Variants in LNX1 observed in about 807,000 individuals in gnomAD.
LNX1 encodes the protein ligand of numb-protein X 1, also known as E3 ubiquitin-protein ligase LNX.
In LNX1, 54 loss-of-function variants were observed where a neutral mutation model predicts 68.4. That is an observed-to-expected ratio of 0.79 (90% CI 0.63 to 0.99). LNX1 has a LOEUF of 0.99. LNX1 is among the 50% of genes least tolerant of loss of function. The pLI is 0.00. For synonymous variants in LNX1, 336 were observed against 350.0 expected (o/e 0.96, Z 0.45); for missense variants, 906 against 926.4 (o/e 0.98, Z 0.29).
At chr4:53,541,742 TC>T (rs1216058421) in intron 2 of LNX1, among the ~76,000 whole-genome samples, 31 of 62,690 alleles carry the variant, frequency 4.9e-4, no homozygotes, top group African/African-American at 1.4e-3. Flanking sequence ...TCAGTCTGAG[TC>T]ATTAAAAAAA....
Position 53,467,925 on chromosome 4 carries a change from A to T in LNX1, c.1893-6332T>A, listed in dbSNP as rs564518362. Among the ~76,000 whole-genome samples the T allele has an allele frequency of 3.5e-4, 54 of 152,340 alleles. 1 individual carries two copies. In the East Asian group the frequency reaches 9.4e-3, roughly 27 times the overall value. ...AAGTTGGAAAACACTCTGCAAGATA[A>T]TATCCAGGAGAACTTCCCCAATCTA... On this transcript the variant is annotated intron_variant, in intron 9 of 10. Coordinates refer to ENST00000263925, the MANE Select transcript of LNX1 (RefSeq NM_001126328.3).
rs56165716 is a variant in LNX1, at chr4:53,501,299, T to TTGGGGGGGG, written c.776-2457_776-2456insCCCCCCCCA. ...TAATAATCTTTTTTTTTTTTTTTTT[T>TTGGGGGGGG]GGGGGTGGGGGGACAGGATCTCACT... On this transcript the variant is annotated intron_variant, in intron 4 of 10. Transcript: ENST00000263925. Among the ~76,000 whole-genome samples the TTGGGGGGGG allele has an allele frequency of 2.5e-3, 97 of 38,728 alleles. 9 individuals are homozygous for TTGGGGGGGG. Among genetic ancestry groups the TTGGGGGGGG allele is most frequent in the Admixed American group, 4.4e-3 (11 of 2,486 alleles). 25.4% of individuals were successfully genotyped at this position (38,728 alleles called of 152,430 possible).
At chr4:53,525,439 T>C (rs900328659) in intron 2 of LNX1, among the ~76,000 whole-genome samples, 1 of 152,176 alleles carries the variant, frequency 6.6e-6, no homozygotes, top group Non-Finnish European at 1.5e-5. Context: ...AAGATCACAC[T>C]ACTTCACTGC....
At chr4:53,478,415 C>T (rs1723701862) in intron 8 of LNX1, 150 bp downstream of exon 8, 3 of 670,582 alleles carry the variant, frequency 4.5e-6, no homozygotes, top group South Asian at 2.6e-5. Context: ...AGTATCTATA[C>T]TCAAACCAAT....
In LNX1 at chr4:53,481,604, CAA is replaced by C. The variant is rs542201264; in HGVS notation, c.1485+114_1485+115del. ...ACTTTGGGCTTTTAGTTTTACAAGT[CAA>C]AGTGTTTCTTTAAGTAAAAAAGTCC... On this transcript the variant is annotated intron_variant, in intron 7 of 10. Transcript: ENST00000263925. 313 of 1,213,546 alleles carry C rather than the reference CAA, an allele frequency of 2.6e-4. 4 individuals are homozygous for C. The South Asian group carries it at 4.2e-3, about 16-fold the overall frequency. The allele number at this position is 1,213,546 out of a possible 1,614,324, so 75.2% of individuals were successfully genotyped here. A position where few individuals can be genotyped will look rare whatever the true frequency, so the allele number is the denominator to read the frequency against.
chr4:53,651,485 C>T (rs1022949271), intron 1 of LNX1, among the ~76,000 whole-genome samples: 1 of 152,236 alleles, frequency 6.6e-6, no homozygotes, highest in Non-Finnish European at 1.5e-5. Context: ...CTGTGGCTAT[C>T]TATTTCTGGA....
At chr4:53,614,438 A>G (rs1733610803) in intron 2 of LNX1, among the ~76,000 whole-genome samples, 1 of 152,122 alleles carries the variant, frequency 6.6e-6, no homozygotes. Context: ...CTTCTCATCC[A>G]TACTTCCTTT....
At chr4:53,650,704 C>T (rs1735065544) in intron 1 of LNX1, among the ~76,000 whole-genome samples, 1 of 152,116 alleles carries the variant, frequency 6.6e-6, no homozygotes, top group East Asian at 1.9e-4. Context: ...CCTCTGTCCC[C>T]TTCCGTGTCC....
At chr4:53,505,530 G>A (rs762528691) in intron 4 of LNX1, among the ~76,000 whole-genome samples, 3 of 152,170 alleles carry the variant, frequency 2.0e-5, no homozygotes, top group Non-Finnish European at 4.4e-5. Context: ...GGGATTACAG[G>A]AGTAAGCCAC....
At position 53,622,520 on chromosome 4, in the gene LNX1, C is replaced by T. The variant is rs148984974; in HGVS notation, c.-215+29648G>A. 2.7e-3 allele frequency among the ~76,000 whole-genome samples: 410 copies of T among 152,196 alleles called. 1 individual carries two copies. The highest frequency in any genetic ancestry group is 4.7e-3 in the Admixed American group (72 of 15,284). On this transcript the variant is annotated intron_variant, in intron 1 of 2. Coordinates refer to the LNX1 transcript ENST00000507168. The stretch of plus-strand genomic sequence containing the variant: ...CCTCACTCTCTCACCCCAGGGCTAG[C>T]AATGGACCATTATCTCCAATTTTGA...
Position 53,573,735 on chromosome 4 carries a change from A to T in LNX1, c.268T>A (p.Ser90Thr), listed in dbSNP as rs1197201160. 1.2e-6 allele frequency: 2 copies of T among 1,611,464 alleles called. No homozygotes were observed. The highest frequency in any genetic ancestry group is 1.7e-6 in the Non-Finnish European group (2 of 1,178,978). Residue 90 changes from serine to threonine, a missense_variant, in exon 2 of 11, where the codon TCC becomes ACC. Transcript: ENST00000263925. The stretch of plus-strand genomic sequence containing the variant: ...AGGAGTTTGTTGACCAGGATGCTGG[A>T]CTTCTTGCAGTGCTGCAGAACCAGA... ...KPLVLQHCKK[S>T]SILVNKLLNK...
chr4:53,607,189 A>G (rs1159577264), intron 2 of LNX1, among the ~76,000 whole-genome samples: 1 of 152,230 alleles, frequency 6.6e-6, no homozygotes, highest in Admixed American at 6.5e-5. Flanking sequence ...TTTGCAGATG[A>G]TATGATTCTA....
intron 2 of LNX1, 140 bp from the exon 3 acceptor site, chr4:53,508,367 TCTTCC>T: frequency 9.8e-7 from 1 of 1,020,174 alleles, no homozygotes; most frequent in Non-Finnish European, 1.4e-6. Flanking sequence ...CTATATCCTC[TCTTCC>T]CTTTTCACAC....
chr4:53,498,861 T>C lies in LNX1; in HGVS notation c.776-18A>G, dbSNP rs1438393023. ...TGGAAAGACTGAAATGGACAAAGAG[T>C]GTTTATTTAAGACACCCACCCAATG... On this transcript the variant is annotated intron_variant, in intron 4 of 10. Coordinates refer to ENST00000263925, the MANE Select transcript of LNX1 (RefSeq NM_001126328.3). 6.2e-7 allele frequency: 1 copy of C among 1,602,490 alleles called. No individual in the cohort carries two copies. Among genetic ancestry groups the C allele is most frequent in the Admixed American group, 1.7e-5 (1 of 59,982 alleles).
At chr4:53,566,700 T>G (rs558111945) in intron 2 of LNX1, among the ~76,000 whole-genome samples, 2 of 152,084 alleles carry the variant, frequency 1.3e-5, no homozygotes, top group African/African-American at 4.8e-5. Flanking sequence ...AGACACAGAC[T>G]GGCAAATTGG....
At chr4:53,498,909 G>A in intron 4 of LNX1, 66 bp from the exon 5 acceptor site, 1 of 1,219,410 alleles carries the variant, frequency 8.2e-7, no homozygotes, top group Non-Finnish European at 1.2e-6. Flanking sequence ...TACTCTTCTT[G>A]CCAAACTTCA....
At chr4:53,633,301 A>G (rs971414954) in intron 1 of LNX1, among the ~76,000 whole-genome samples, 1 of 152,176 alleles carries the variant, frequency 6.6e-6, no homozygotes, top group African/African-American at 2.4e-5. Flanking sequence ...CCATCCACGC[A>G]TGGTTCTGCA....
chr4:53,519,887 T>A (rs1033020715), intron 2 of LNX1, among the ~76,000 whole-genome samples: 4 of 152,240 alleles, frequency 2.6e-5, no homozygotes, highest in African/African-American at 9.6e-5. Flanking sequence ...TGCCCAGGAC[T>A]GACTGGATTC....
intron 2 of LNX1, among the ~76,000 whole-genome samples, chr4:53,533,054 C>T (rs954536671): frequency 3.9e-5 from 6 of 152,198 alleles, no homozygotes; most frequent in African/African-American, 1.4e-4. Context: ...ACATATGCTC[C>T]CTAGGTGCAG....
Sources: allele counts gnomAD v4.1 joint callset (sites outside exome capture counted in the v4.1 genomes callset), GRCh38; gene constraint gnomAD v4.1.1; transcripts MANE v1.5; gene names NCBI Gene and HGNC (gene_info 2026-07-23, HGNC 2026-07-21).